MED4: variants seen among roughly 807,000 people sequenced by gnomAD.
MED4 encodes mediator of RNA polymerase II transcription subunit 4.
MED4 carries 21 observed loss-of-function variants against 35.0 expected under a neutral mutation model. The observed-to-expected ratio is 0.60, with a 90% CI of 0.43 to 0.86. MED4 has a LOEUF of 0.86. Ranked by LOEUF, MED4 falls within the 40% of genes least tolerant of loss-of-function variation. MED4 has a pLI of 0.00. For missense variants in MED4, 300 were observed against 319.4 expected (o/e 0.94, Z 0.46); for synonymous variants, 138 against 114.0 (o/e 1.21, Z -1.34).
chr13:48,094,032 C>T (rs1055490446), intron 1 of MED4, among the ~76,000 whole-genome samples: 8 of 152,290 alleles, frequency 5.3e-5, no homozygotes, highest in African/African-American at 1.9e-4. Flanking sequence ...AGAATTTGAA[C>T]TTTACCTCAC....
At chr13:48,084,256 ACT>A (rs1430023597) in intron 3 of MED4, among the ~76,000 whole-genome samples, 6 of 116,186 alleles carry the variant, frequency 5.2e-5, no homozygotes, top group Non-Finnish European at 7.0e-5. Context: ...CAAGAGCAAG[ACT>A]CTGTCTCAAA....
At position 48,076,585 on chromosome 13, in the gene MED4, TACAA is replaced by T. The variant is rs74995667; in HGVS notation, c.*550_*553del. 8,398 of 152,162 alleles carry T rather than the reference TACAA, an allele frequency of 0.055. 295 individuals are homozygous for T. Among genetic ancestry groups the T allele is most frequent in the South Asian group, 0.12 (588 of 4,820 alleles). The allele number at this position is 152,162 out of a possible 1,614,324, so 9.4% of individuals were successfully genotyped here. On this transcript the variant is annotated 3_prime_UTR_variant, in exon 7 of 7. Transcript: ENST00000258648. ...TAAACTAAAAAAAAAGCATACAATG[TACAA>T]ACAAATTTATTTACAAAAATTACAA...
rs577323747 is a variant in MED4, at chr13:48,080,136, C to T, written c.509-161G>A. On this transcript the variant is annotated intron_variant, in intron 5 of 6. Coordinates refer to ENST00000258648, the MANE Select transcript of MED4 (RefSeq NM_014166.4). ...ATCTGGCCAGGTGCAGTGGCTCACG[C>T]CTGTAATCCCAGCACTTTAGGAGGA... 12 of 705,260 alleles carry T rather than the reference C, an allele frequency of 1.7e-5. No individual in the cohort carries two copies. The South Asian group carries it at 1.9e-4, about 11-fold the overall frequency. 43.7% of individuals were successfully genotyped at this position (705,260 alleles called of 1,614,324 possible).
At chr13:48,094,107 G>A (rs1593550690) in intron 1 of MED4, among the ~76,000 whole-genome samples, 1 of 152,178 alleles carries the variant, frequency 6.6e-6, no homozygotes, top group Admixed American at 6.5e-5. Flanking sequence ...AGTGATATAA[G>A]ATGCCTTTTA....
intron 3 of MED4, among the ~76,000 whole-genome samples, chr13:48,085,964 G>T (rs1950845606): frequency 6.6e-6 from 1 of 150,700 alleles, no homozygotes; most frequent in Non-Finnish European, 1.5e-5. Context: ...AAAAAAGAGA[G>T]ATTTAGACTA....
In MED4 at chr13:48,085,170, ATTTTTTT is replaced by A. The variant is rs56225303; in HGVS notation, c.363+1105_363+1111del. Among the ~76,000 whole-genome samples, 219 of 139,378 alleles carry A rather than the reference ATTTTTTT, an allele frequency of 1.6e-3. 1 individual carries two copies. Among genetic ancestry groups the A allele is most frequent in the African/African-American group, 5.8e-3 (194 of 33,526 alleles). 91.4% of individuals were successfully genotyped at this position (139,378 alleles called of 152,430 possible). The stretch of plus-strand genomic sequence containing the variant: ...AAGTGTGAGCCACTGTGCCCAGCTA[ATTTTTTT>A]TTTTTTTTTTTTTTTTGAGAGTCTT... On this transcript the variant is annotated intron_variant, in intron 3 of 6. Transcript: ENST00000258648.
chr13:48,086,147 T>C (rs1950847026), intron 3 of MED4, 135 bp downstream of exon 3: 2 of 753,826 alleles, frequency 2.7e-6, no homozygotes, highest in African/African-American at 1.7e-5. Flanking sequence ...CCACTGGCAA[T>C]GGTGAGTGAC....
chr13:48,082,610 G>A (rs1950817902), intron 4 of MED4, among the ~76,000 whole-genome samples: 1 of 152,108 alleles, frequency 6.6e-6, no homozygotes, highest in Non-Finnish European at 1.5e-5. Flanking sequence ...GGCAGATCAC[G>A]AGGTCAGGAG....
chr13:48,090,431 A>ACC lies in MED4; in HGVS notation c.126-14_126-13insGG. On this transcript the variant is annotated splice_polypyrimidine_tract_variant and intron_variant, in intron 1 of 6. Transcript: ENST00000258648. ...TTCTATAAGTTCCCTAAAAAAAAAA[A>ACC]ACCAACAACAACAAAAACCCTTTCA... The ACC allele has an allele frequency of 6.3e-7, 1 of 1,581,278 alleles. No individual in the cohort carries two copies. The highest frequency in any genetic ancestry group is 8.6e-7 in the Non-Finnish European group (1 of 1,165,394).
intron 3 of MED4, among the ~76,000 whole-genome samples, chr13:48,085,590 C>T (rs1214829398): frequency 1.3e-5 from 2 of 152,158 alleles, no homozygotes; most frequent in African/African-American, 2.4e-5. Flanking sequence ...GTTACTGGAG[C>T]TCATTTTAAT....
intron 3 of MED4, among the ~76,000 whole-genome samples, chr13:48,084,918 GTGCAGTGGGGTGATCCCAGTTCAT>G (rs1950838449): frequency 6.6e-6 from 1 of 151,884 alleles, no homozygotes; most frequent in Admixed American, 6.6e-5. Flanking sequence ...CCAGGCTGGA[GTGCAGTGGGGTGATCCCAGTTCAT>G]TGCAACCTCT....
At chr13:48,090,264 T>C in intron 2 of MED4, 88 bp downstream of exon 2, 2 of 1,017,786 alleles carry the variant, frequency 2.0e-6, no homozygotes, top group South Asian at 1.6e-5. Context: ...ACAAAGTAAA[T>C]ATAAAGAGGA....
At chr13:48,085,410 A>C (rs1950842057) in intron 3 of MED4, among the ~76,000 whole-genome samples, 1 of 152,124 alleles carries the variant, frequency 6.6e-6, no homozygotes, top group Admixed American at 6.6e-5. Flanking sequence ...GACTGGTCTC[A>C]ATCACAGACT....
At chr13:48,084,265 C>CAAA (rs71099664) in intron 3 of MED4, among the ~76,000 whole-genome samples, 5 of 109,952 alleles carry the variant, frequency 4.5e-5, no homozygotes, top group African/African-American at 1.8e-4. Context: ...GACTCTGTCT[C>CAAA]AAAAAAAAAA....
At chr13:48,081,600 C>T in intron 5 of MED4, 45 bp downstream of exon 5, 1 of 1,383,500 alleles carries the variant, frequency 7.2e-7, no homozygotes, top group South Asian at 1.3e-5. Flanking sequence ...ACCTAAGAAT[C>T]TTCAAAACCA....
intron 6 of MED4, among the ~76,000 whole-genome samples, chr13:48,078,676 G>C (rs1489597729): frequency 6.6e-6 from 1 of 152,146 alleles, no homozygotes; most frequent in Non-Finnish European, 1.5e-5. Context: ...ATGGAGCTGG[G>C]GAAGACTGTT....
At chr13:48,082,415 C>T (rs564508199) in intron 4 of MED4, among the ~76,000 whole-genome samples, 32 of 152,290 alleles carry the variant, frequency 2.1e-4, no homozygotes, top group Admixed American at 1.8e-3. Flanking sequence ...TATGTGTGTA[C>T]AGTTTTTGAA....
At chr13:48,080,601 T>C (rs1202789932) in intron 5 of MED4, among the ~76,000 whole-genome samples, 5 of 152,054 alleles carry the variant, frequency 3.3e-5, no homozygotes, top group Admixed American at 6.6e-5. Flanking sequence ...AAAATTATAA[T>C]AATCTCAATT....
intron 6 of MED4, among the ~76,000 whole-genome samples, chr13:48,079,404 T>TTAGAGCA (rs2137827703): frequency 6.6e-6 from 1 of 152,250 alleles, no homozygotes; most frequent in South Asian, 2.1e-4. Context: ...AGGAGAATCT[T>TTAGAGCA]TAGAGCAGAA....
Sources: allele counts gnomAD v4.1 joint callset (sites outside exome capture counted in the v4.1 genomes callset), GRCh38; gene constraint gnomAD v4.1.1; transcripts MANE v1.5; gene names NCBI Gene and HGNC (gene_info 2026-07-23, HGNC 2026-07-21).